Variants in NRG1 observed in about 807,000 individuals in gnomAD.
NRG1 encodes the protein neuregulin 1, also known as pro-neuregulin-1, membrane-bound isoform.
Under a neutral mutation model 63.8 loss-of-function variants are expected in NRG1, and 18 were observed. The ratio of observed to expected loss-of-function variants is 0.28; its 90% CI spans 0.19 to 0.42. NRG1 has a LOEUF of 0.42. NRG1 is among the 10% of genes least tolerant of loss of function. The pLI, the probability that NRG1 is intolerant of heterozygous loss-of-function variation, is 1.00. For synonymous variants in NRG1, 302 were observed against 301.3 expected, an observed-to-expected ratio of 1.00 and a Z score of -0.02; for missense variants, 762 against 814.7, an observed-to-expected ratio of 0.94 and a Z score of 0.79.
chr8:32,201,142 C>T (rs1192185270), intron 1 of NRG1, among the ~76,000 whole-genome samples: 1 of 152,198 alleles, frequency 6.6e-6, no homozygotes, highest in Non-Finnish European at 1.5e-5. Context: ...AGCTGCTGCT[C>T]ATCCACCTTT....
intron 7 of NRG1, among the ~76,000 whole-genome samples, chr8:32,752,352 C>G (rs1416786930): frequency 1.3e-5 from 2 of 152,168 alleles, no homozygotes; most frequent in Non-Finnish European, 2.9e-5. Flanking sequence ...GGAGGGGAGG[C>G]AGCAGACATA....
At chr8:32,407,650 G>C (rs144469594) in intron 1 of NRG1, among the ~76,000 whole-genome samples, 4 of 151,874 alleles carry the variant, frequency 2.6e-5, no homozygotes, top group African/African-American at 4.8e-5. Context: ...CTCTCTCTCT[G>C]TATCCCTTTC....
At chr8:32,586,967 C>CTAGA (rs1841728767) in intron 1 of NRG1, among the ~76,000 whole-genome samples, 2 of 152,128 alleles carry the variant, frequency 1.3e-5, no homozygotes, top group African/African-American at 4.8e-5. Flanking sequence ...CTTTGGGAGG[C>CTAGA]TAGAGCAAGA....
chr8:32,025,916 G>A (rs1362886818), intron 1 of NRG1, among the ~76,000 whole-genome samples: 4 of 146,526 alleles, frequency 2.7e-5, no homozygotes, highest in South Asian at 2.2e-4. Context: ...GCTGCATTAC[G>A]GCCTGGCCGA....
At chr8:31,674,306 G>A (rs1039432140) in intron 1 of NRG1, among the ~76,000 whole-genome samples, 85 of 152,098 alleles carry the variant, frequency 5.6e-4, no homozygotes, top group African/African-American at 1.9e-3. Context: ...GGGTCATATG[G>A]TAAATCTGTT....
exon 11 of NRG1, chr8:32,760,224 C>A: frequency 6.2e-7 from 1 of 1,614,040 alleles, no homozygotes; most frequent in Non-Finnish European, 8.5e-7. Context: ...ACACTGAAAG[C>A]ATCCTTTCCG....
At chr8:31,750,454 A>G (rs1057280954) in intron 1 of NRG1, among the ~76,000 whole-genome samples, 3 of 151,912 alleles carry the variant, frequency 2.0e-5, no homozygotes, top group African/African-American at 7.2e-5. Flanking sequence ...ACACTCTCTA[A>G]TTTCCTGTCC....
intron 1 of NRG1, among the ~76,000 whole-genome samples, chr8:32,317,118 C>T (rs1427719828): frequency 6.6e-6 from 1 of 152,052 alleles, no homozygotes; most frequent in African/African-American, 2.4e-5. Context: ...ACGTTCTCTC[C>T]ATGATTTAGC....
chr8:32,687,838 AT>A (rs1394861628), intron 5 of NRG1, among the ~76,000 whole-genome samples: 1 of 152,204 alleles, frequency 6.6e-6, no homozygotes, highest in Non-Finnish European at 1.5e-5. Context: ...ATGAAAAACT[AT>A]TTTAAAAAAT....
intron 1 of NRG1, among the ~76,000 whole-genome samples, chr8:32,266,075 C>T (rs1415372840): frequency 6.6e-6 from 1 of 152,020 alleles, no homozygotes; most frequent in African/African-American, 2.4e-5. Flanking sequence ...AGATGATTGT[C>T]CATTAAAAAT....
chr8:32,644,628 G>A (rs1211217962), intron 5 of NRG1, among the ~76,000 whole-genome samples: 1 of 152,110 alleles, frequency 6.6e-6, no homozygotes, highest in Non-Finnish European at 1.5e-5. Flanking sequence ...TGACTTTTGG[G>A]GGAAAAACAG....
At chr8:31,767,847 C>CAA (rs55792550) in intron 1 of NRG1, among the ~76,000 whole-genome samples, 1,636 of 104,316 alleles carry the variant, frequency 0.016, 33 homozygotes, top group African/African-American at 0.064. Context: ...AACTCTTTCT[C>CAA]AAAAAAAAAA....
intron 1 of NRG1, among the ~76,000 whole-genome samples, chr8:32,587,056 A>G (rs1294978980): frequency 6.6e-6 from 1 of 152,112 alleles, no homozygotes; most frequent in South Asian, 2.1e-4. Context: ...CAAAACAAAA[A>G]GCCCAGCGTG....
chr8:31,983,330 G>A (rs16878605), intron 1 of NRG1, among the ~76,000 whole-genome samples: 1 of 152,020 alleles, frequency 6.6e-6, no homozygotes, highest in Non-Finnish European at 1.5e-5. Flanking sequence ...TGGTAAAAGT[G>A]CAGTCCATGA....
intron 1 of NRG1, among the ~76,000 whole-genome samples, chr8:32,490,199 G>C (rs1826382795): frequency 6.6e-6 from 1 of 152,026 alleles, no homozygotes; most frequent in Non-Finnish European, 1.5e-5. Context: ...TAGCTACAGG[G>C]GAGTCTGAGG....
chr8:31,792,233 T>C (rs919086563), intron 1 of NRG1, among the ~76,000 whole-genome samples: 1 of 152,202 alleles, frequency 6.6e-6, no homozygotes, highest in Non-Finnish European at 1.5e-5. Flanking sequence ...TACACAGAAC[T>C]TTTTCTCTTT....
intron 1 of NRG1, among the ~76,000 whole-genome samples, chr8:32,299,815 A>C (rs1044833689): frequency 8.6e-5 from 13 of 152,006 alleles, no homozygotes; most frequent in Non-Finnish European, 1.3e-4. Context: ...GATGGGAAAA[A>C]CCCACTGCCA....
At chr8:31,938,069 C>T (rs1801191842) in intron 1 of NRG1, among the ~76,000 whole-genome samples, 2 of 152,178 alleles carry the variant, frequency 1.3e-5, no homozygotes, top group Admixed American at 1.3e-4. Context: ...AGCTGATGCA[C>T]TCTTGAAAAT....
intron 1 of NRG1, among the ~76,000 whole-genome samples, chr8:32,280,680 G>GTTTTTTTTTTT: frequency 1.9e-5 from 1 of 53,720 alleles, no homozygotes; most frequent in Non-Finnish European, 3.5e-5. Flanking sequence ...ACTGAATTAG[G>GTTTTTTTTTTT]TTTTTTTTTT....
Sources: gnomAD v4.1 joint callset for allele counts (sites outside exome capture counted in the v4.1 genomes callset) on GRCh38, gnomAD v4.1.1 for gene constraint, MANE v1.5 for transcripts, NCBI Gene and HGNC (gene_info 2026-07-23, HGNC 2026-07-21) for gene names.